RGL1: variants seen among roughly 807,000 people sequenced by gnomAD.
RGL1 encodes the protein ral guanine nucleotide dissociation stimulator like 1.
In RGL1, 24 loss-of-function variants were observed where a neutral mutation model predicts 95.2. That is an observed-to-expected ratio of 0.25 (90% confidence interval 0.18 to 0.35). RGL1 has a LOEUF of 0.35. Ranked by LOEUF, RGL1 falls within the 10% of genes least tolerant of loss-of-function variation. RGL1 has a pLI of 1.00. For synonymous variants in RGL1, 329 were observed against 344.9 expected, an observed-to-expected ratio of 0.95 and a Z score of 0.51; for missense variants, 715 against 936.3, an observed-to-expected ratio of 0.76 and a Z score of 3.08.
intron 2 of RGL1, among the ~76,000 whole-genome samples, chr1:183,823,936 G>A (rs1662671966): frequency 6.6e-6 from 1 of 152,094 alleles, no homozygotes; most frequent in Admixed American, 6.6e-5. Flanking sequence ...ACAGGCCTAT[G>A]CAATCCCCCA....
chr1:183,784,796 A>G (rs568625986), intron 2 of RGL1, among the ~76,000 whole-genome samples: 1 of 152,314 alleles, frequency 6.6e-6, no homozygotes, highest in Admixed American at 6.5e-5. Flanking sequence ...AGGAAGATCA[A>G]TTTGATCCTA....
At chr1:183,674,833 A>G (rs1322009137) in intron 1 of RGL1, among the ~76,000 whole-genome samples, 8 of 152,104 alleles carry the variant, frequency 5.3e-5, no homozygotes, top group African/African-American at 1.2e-4. Context: ...ATCCTTTAGG[A>G]TTTGTGTTAA....
At chr1:183,768,422 A>C in intron 2 of RGL1, among the ~76,000 whole-genome samples, 1 of 148,648 alleles carries the variant, frequency 6.7e-6, no homozygotes, top group African/African-American at 2.5e-5. Flanking sequence ...TTCATAAATA[A>C]CCTTTTCAAG....
In RGL1 at chr1:183,813,626, A is replaced by G. The variant is rs139031858; in HGVS notation, c.138+7141A>G. Among the ~76,000 whole-genome samples, 551 of 152,338 alleles carry G rather than the reference A, an allele frequency of 3.6e-3. 7 individuals carry two copies. Among genetic ancestry groups the G allele is most frequent in the African/African-American group, 0.012 (510 of 41,582 alleles). Reference sequence around the variant, plus strand: ...TGCAGGACTATGATTACAGAGTTGTATTTTAGAAAACAGCAGTTAAACTTA... The same window carrying G: ...TGCAGGACTATGATTACAGAGTTGTGTTTTAGAAAACAGCAGTTAAACTTA... On this transcript the variant is annotated intron_variant, in intron 2 of 17. Transcript: ENST00000360851.
In RGL1 at chr1:183,906,988, A is replaced by G. The variant is rs376577570; in HGVS notation, c.1473-24A>G. 96 of 1,420,880 alleles carry G rather than the reference A, an allele frequency of 6.8e-5. 1 individual carries two copies. The African/African-American group carries it at 1.2e-3, about 17-fold the overall frequency. 88.0% of individuals were successfully genotyped at this position (1,420,880 alleles called of 1,614,324 possible). A position where few individuals can be genotyped will look rare whatever the true frequency, so the allele number is the denominator to read the frequency against. On this transcript the variant is annotated intron_variant, in intron 13 of 17. Coordinates refer to ENST00000360851, the MANE Select transcript of RGL1 (RefSeq NM_001297671.3). Reference sequence around the variant, plus strand: ...TTTTCAATTCTCTAACTTTGACCTCATGGAGCCCCCTTCTCTTTCTCAGCT... The same window carrying G: ...TTTTCAATTCTCTAACTTTGACCTCGTGGAGCCCCCTTCTCTTTCTCAGCT...
At chr1:183,847,030 A>T (rs1004889148) in intron 2 of RGL1, among the ~76,000 whole-genome samples, 1 of 152,328 alleles carries the variant, frequency 6.6e-6, no homozygotes, top group South Asian at 2.1e-4. Flanking sequence ...AAATGTAACC[A>T]TTATGAAGTA....
At chr1:183,783,621 C>G (rs1217770136) in intron 2 of RGL1, among the ~76,000 whole-genome samples, 1 of 152,102 alleles carries the variant, frequency 6.6e-6, no homozygotes, top group Non-Finnish European at 1.5e-5. Context: ...TCCTTATTTC[C>G]CTTTCCCCCA....
chr1:183,779,911 T>C (rs919314788), intron 2 of RGL1, among the ~76,000 whole-genome samples: 1 of 151,982 alleles, frequency 6.6e-6, no homozygotes, highest in African/African-American at 2.4e-5. Context: ...AAGGAGGAAA[T>C]GGGTCAATTG....
At chr1:183,804,672 C>G (rs1661170748), upstream of RGL1, among the ~76,000 whole-genome samples, 1 of 152,240 alleles carries the variant, frequency 6.6e-6, no homozygotes, top group South Asian at 2.1e-4. Context: ...GGTATAGCCC[C>G]TGGGCATGGT....
chr1:183,844,926 GT>G (rs2102528780), intron 2 of RGL1, among the ~76,000 whole-genome samples: 1 of 152,340 alleles, frequency 6.6e-6, no homozygotes, highest in African/African-American at 2.4e-5. Flanking sequence ...CCTGTTAGCG[GT>G]TTGACATGAT....
chr1:183,857,438 C>T (rs1420687150), intron 3 of RGL1, among the ~76,000 whole-genome samples: 1 of 152,136 alleles, frequency 6.6e-6, no homozygotes, highest in Non-Finnish European at 1.5e-5. Context: ...ATTCCAGCAA[C>T]ACAGATAAGA....
At chr1:183,729,420 C>T (rs1051362826) in intron 1 of RGL1, among the ~76,000 whole-genome samples, 7 of 152,140 alleles carry the variant, frequency 4.6e-5, no homozygotes, top group Non-Finnish European at 8.8e-5. Context: ...GATATCACTA[C>T]ACATCCGTTA....
chr1:183,895,421 A>G (rs898442508), intron 9 of RGL1, among the ~76,000 whole-genome samples: 1 of 152,056 alleles, frequency 6.6e-6, no homozygotes, highest in Non-Finnish European at 1.5e-5. Context: ...GCAGAGGGGG[A>G]GATAAAAGGA....
intron 3 of RGL1, among the ~76,000 whole-genome samples, chr1:183,851,964 G>T (rs542717372): frequency 1.3e-5 from 2 of 152,134 alleles, no homozygotes; most frequent in Non-Finnish European, 2.9e-5. Context: ...GTAGATTGTG[G>T]TAGACTTGTT....
chr1:183,898,676 A>T (rs184264031), intron 10 of RGL1, among the ~76,000 whole-genome samples: 7 of 152,362 alleles, frequency 4.6e-5, no homozygotes, highest in African/African-American at 1.7e-4. Context: ...CAGTGTTACA[A>T]ACTTTTTTGG....
chr1:183,737,168 G>C (rs1656992776), intron 1 of RGL1, among the ~76,000 whole-genome samples: 2 of 152,204 alleles, frequency 1.3e-5, no homozygotes, highest in Admixed American at 1.3e-4. Context: ...ATCCATGGAA[G>C]TGATGGATAA....
chr1:183,791,713 G>A (rs1660448965), intron 2 of RGL1, among the ~76,000 whole-genome samples: 1 of 152,206 alleles, frequency 6.6e-6, no homozygotes, highest in Non-Finnish European at 1.5e-5. Flanking sequence ...AGTGTGGAAG[G>A]TAAATCTCCT....
intron 1 of RGL1, among the ~76,000 whole-genome samples, chr1:183,698,902 C>T (rs1373128923): frequency 4.6e-5 from 7 of 152,192 alleles, no homozygotes; most frequent in Non-Finnish European, 7.3e-5. Flanking sequence ...ATATCTCCCT[C>T]TGTTTTGATG....
chr1:183,674,502 G>A (rs1353779855), intron 1 of RGL1, among the ~76,000 whole-genome samples: 3 of 152,204 alleles, frequency 2.0e-5, no homozygotes, highest in Non-Finnish European at 4.4e-5. Context: ...GACCTTGGAA[G>A]GAAGCTGAGT....
Sources: allele counts gnomAD v4.1 joint callset (sites outside exome capture counted in the v4.1 genomes callset), GRCh38; gene constraint gnomAD v4.1.1; transcripts MANE v1.5; gene names NCBI Gene and HGNC (gene_info 2026-07-23, HGNC 2026-07-21).